The following ACSL5 variants were observed in gnomAD, a reference collection of about 807,000 sequenced individuals.
The protein encoded by ACSL5 is long-chain-fatty-acid--CoA ligase 5.
A neutral mutation model predicts 84.9 loss-of-function variants in ACSL5; 50 were observed. That is an observed-to-expected ratio of 0.59 (90% CI 0.47 to 0.75). The LOEUF is 0.75. Ranked by LOEUF, ACSL5 falls within the 30% of genes least tolerant of loss-of-function variation. The pLI is 0.00. For missense variants in ACSL5, 775 were observed against 830.4 expected (o/e 0.93, Z 0.82); for synonymous variants, 280 against 300.7 (o/e 0.93, Z 0.71).
intron 17 of ACSL5, 142 bp from the exon 18 acceptor site, chr10:112,425,195 CA>C (rs1844620600): frequency 2.9e-6 from 2 of 691,528 alleles, no homozygotes. Flanking sequence ...TCACCAAAGC[CA>C]AGAAAGAGAA....
chr10:112,414,353 T>C lies in ACSL5; in HGVS notation c.1083+1046T>C, dbSNP rs199501572. Among the ~76,000 whole-genome samples the C allele has an allele frequency of 3.3e-3, 75 of 22,938 alleles. 1 individual carries two copies. In the Admixed American group the frequency reaches 0.038, roughly 12 times the overall value. 15.0% of individuals were successfully genotyped at this position (22,938 alleles called of 152,430 possible). On this transcript the variant is annotated intron_variant, in intron 12 of 20. Coordinates refer to ENST00000354655, the MANE Select transcript of ACSL5 (RefSeq NM_203379.2). The stretch of plus-strand genomic sequence containing the variant: ...GATTTTTTTTTAATTTCAGTGATTC[T>C]TTTTTTTTTTTTTTTTTTTTGAGAC...
chr10:112,414,390 C>T (rs1354897477), intron 12 of ACSL5, among the ~76,000 whole-genome samples: 1 of 127,142 alleles, frequency 7.9e-6, no homozygotes, highest in Admixed American at 9.7e-5. Flanking sequence ...GAGTCCCACT[C>T]TGTCACCCAG....
At position 112,398,034 on chromosome 10, in the gene ACSL5, CACTTT is replaced by C. The variant is rs1843785568; in HGVS notation, c.157-866_157-862del. Among the ~76,000 whole-genome samples, 2 of 20,816 alleles carry C rather than the reference CACTTT, an allele frequency of 9.6e-5. 1 individual carries two copies. Among genetic ancestry groups the C allele is most frequent in the African/African-American group, 2.5e-4 (2 of 7,946 alleles). The allele number at this position is 20,816 out of a possible 152,430, so 13.7% of individuals were successfully genotyped here. On this transcript the variant is annotated intron_variant, in intron 2 of 20. Coordinates refer to ENST00000354655, the MANE Select transcript of ACSL5 (RefSeq NM_203379.2). Reference sequence around the variant, plus strand: ...CAATCTCTGGGTGGGATTACAGATCCACTTTTCTTTTTTTTTTTTTTTTTTTTTTT... The same window carrying C: ...CAATCTCTGGGTGGGATTACAGATCCTCTTTTTTTTTTTTTTTTTTTTTTT...
chr10:112,421,685 G>A lies in ACSL5; in HGVS notation c.1387+20G>A. 6.2e-7 allele frequency: 1 copy of A among 1,603,620 alleles called. No homozygotes were observed. The highest frequency in any genetic ancestry group is 8.5e-7 in the Non-Finnish European group (1 of 1,170,430). On this transcript the variant is annotated intron_variant, in intron 15 of 20. Coordinates refer to ENST00000354655, the MANE Select transcript of ACSL5 (RefSeq NM_203379.2). ...CATCAGGTAAGTCCTCCATCTGCTG[G>A]GCAGGAGGTGCCATGGTTGGGAGAA...
chr10:112,379,882 G>A (rs534253517), intron 1 of ACSL5, among the ~76,000 whole-genome samples: 20 of 152,324 alleles, frequency 1.3e-4, no homozygotes, highest in African/African-American at 4.6e-4. Context: ...GACAGGCAGT[G>A]CAAGGGCTGA....
intron 1 of ACSL5, among the ~76,000 whole-genome samples, chr10:112,385,684 G>T (rs1230260347): frequency 6.6e-6 from 1 of 152,090 alleles, no homozygotes; most frequent in Non-Finnish European, 1.5e-5. Context: ...GTTTTTCATT[G>T]TTGTCTGAGT....
rs1265087979 is a variant in ACSL5, at chr10:112,396,706, A to C, written c.156+1604A>C. ...TCCCTTCACACACACACACACACAC[A>C]CCCCTCCTTTCCTATTCTATTTCAG... On this transcript the variant is annotated intron_variant, in intron 2 of 20. Coordinates refer to ENST00000354655, the MANE Select transcript of ACSL5 (RefSeq NM_203379.2). 4.6e-5 allele frequency among the ~76,000 whole-genome samples: 7 copies of C among 151,362 alleles called. No homozygotes were observed. The South Asian group carries it at 8.4e-4, about 18-fold the overall frequency.
At position 112,427,423 on chromosome 10, in the gene ACSL5, ATTC is replaced by A. The variant is rs1844776764; in HGVS notation, c.*68_*70del. Reference sequence around the variant, plus strand: ...CTTGTGAGAAAATGGATTAAAAACTATTCTTACATTTGTTTTGCCTTTCCTCCT... The same window carrying A: ...CTTGTGAGAAAATGGATTAAAAACTATTACATTTGTTTTGCCTTTCCTCCT... On this transcript the variant is annotated 3_prime_UTR_variant, in exon 21 of 21. Transcript: ENST00000354655. The A allele has an allele frequency of 7.0e-7, 1 of 1,438,630 alleles. No homozygotes were observed. Among genetic ancestry groups the A allele is most frequent in the Admixed American group, 2.5e-5 (1 of 39,764 alleles). 89.1% of individuals were successfully genotyped at this position (1,438,630 alleles called of 1,614,324 possible).
Position 112,427,348 on chromosome 10 carries a change from TC to T in ACSL5, c.2044del (p.Gln682ArgfsTer18). 1 of 1,612,570 alleles carries T rather than the reference TC, an allele frequency of 6.2e-7. No individual in the cohort carries two copies. ...CAAATTGACAGCCTGTATGAGCACATCCAGGATTAGGATAAGGTACTTAAGT... is the reference window on the plus strand; with the variant it reads ...CAAATTGACAGCCTGTATGAGCACATCAGGATTAGGATAAGGTACTTAAGT... ...RTQIDSLYEH[I>X]QD On this transcript the variant is annotated frameshift_variant, in exon 21 of 21. Transcript: ENST00000354655. LOFTEE classifies it high-confidence loss of function.
chr10:112,426,361 T>C lies in ACSL5; in HGVS notation c.1839+2T>C. 3 of 1,613,596 alleles carry C rather than the reference T, an allele frequency of 1.9e-6. No individual in the cohort carries two copies. The highest frequency in any genetic ancestry group is 1.3e-5 in the African/African-American group (1 of 75,028). On this transcript the variant is annotated splice_donor_variant, in intron 19 of 20. Coordinates refer to ENST00000354655, the MANE Select transcript of ACSL5 (RefSeq NM_203379.2). LOFTEE classifies it high-confidence loss of function. The stretch of plus-strand genomic sequence containing the variant: ...TTTGAGGAACTGTGCCAAAACCAAG[T>C]AAGTCTTGCCTAGGAAAGCTTTATG...
intron 12 of ACSL5, among the ~76,000 whole-genome samples, chr10:112,415,320 C>T (rs1351147965): frequency 6.6e-6 from 1 of 152,240 alleles, no homozygotes; most frequent in African/African-American, 2.4e-5. Flanking sequence ...CTGCCTCAGC[C>T]TCCTGAGTAG....
At chr10:112,385,508 C>T (rs1449124987) in intron 1 of ACSL5, among the ~76,000 whole-genome samples, 1 of 152,194 alleles carries the variant, frequency 6.6e-6, no homozygotes, top group East Asian at 1.9e-4. Context: ...CATTTCTCAC[C>T]GTTTCATCAC....
chr10:112,378,542 T>G (rs1849288088), intron 1 of ACSL5, among the ~76,000 whole-genome samples: 1 of 152,064 alleles, frequency 6.6e-6, no homozygotes, highest in South Asian at 2.1e-4. Context: ...CCACTGCACC[T>G]GGCCTATAGG....
At chr10:112,412,044 T>C in intron 11 of ACSL5, 65 bp downstream of exon 11, 9 of 1,458,884 alleles carry the variant, frequency 6.2e-6, no homozygotes, top group Non-Finnish European at 7.7e-6. Context: ...ACATGTTTAT[T>C]CCAAAGGCAG....
At position 112,413,358 on chromosome 10, in the gene ACSL5, G is replaced by C. The variant is rs757755386; in HGVS notation, c.1083+51G>C. ...GTCTGTGACTTGGGCCTGCACGAAG[G>C]AACTCTGTACTACTATGAGATTTAC... On this transcript the variant is annotated intron_variant, in intron 12 of 20. Coordinates refer to ENST00000354655, the MANE Select transcript of ACSL5 (RefSeq NM_203379.2). The C allele has an allele frequency of 2.2e-5, 35 of 1,603,200 alleles. No individual in the cohort carries two copies. In the East Asian group the frequency reaches 7.8e-4, roughly 36 times the overall value.
chr10:112,398,659 C>T (rs1412767164), intron 2 of ACSL5, among the ~76,000 whole-genome samples: 1 of 152,190 alleles, frequency 6.6e-6, no homozygotes, highest in Non-Finnish European at 1.5e-5. Context: ...CCCGCCTCAG[C>T]CTCCCAAAGT....
At chr10:112,416,198 G>A (rs528233412) in intron 12 of ACSL5, among the ~76,000 whole-genome samples, 38 of 152,280 alleles carry the variant, frequency 2.5e-4, no homozygotes, top group African/African-American at 6.7e-4. Flanking sequence ...TGGGCCGGGC[G>A]TGGTGGCTCA....
chr10:112,387,861 A>T (rs1364104821), intron 1 of ACSL5, among the ~76,000 whole-genome samples: 2 of 151,816 alleles, frequency 1.3e-5, no homozygotes, highest in African/African-American at 4.8e-5. Context: ...ATTGCAATTT[A>T]TGTCTTATTA....
chr10:112,425,716 T>C (rs1047884977), intron 18 of ACSL5: 6 of 379,558 alleles, frequency 1.6e-5, no homozygotes, highest in African/African-American at 1.0e-4. Context: ...AGAATGGCTA[T>C]ACTAAAAGGT....
Sources: allele counts gnomAD v4.1 joint callset (sites outside exome capture counted in the v4.1 genomes callset), GRCh38; gene constraint gnomAD v4.1.1; transcripts MANE v1.5; gene names NCBI Gene and HGNC (gene_info 2026-07-23, HGNC 2026-07-21).